MYH8: variants seen among roughly 807,000 people sequenced by gnomAD.
The protein encoded by MYH8 is myosin-8.
In MYH8, 168 loss-of-function variants were observed where a neutral mutation model predicts 233.2. The ratio of observed to expected loss-of-function variants is 0.72; its 90% CI spans 0.64 to 0.82. The LOEUF is 0.82. Among genes scored for constraint, MYH8 ranks in the 40% least tolerant of loss-of-function variants. MYH8 has a pLI of 0.00. For synonymous variants in MYH8, 785 were observed against 850.6 expected (o/e 0.92, Z 1.34); for missense variants, 1,995 against 2,327.8 (o/e 0.86, Z 2.94).
rs2072172156 is a variant in MYH8 at position 10,404,517 on chromosome 17, T to A, written c.2501A>T (p.Lys834Ile). The A allele has an allele frequency of 6.2e-7, 1 of 1,614,088 alleles. No individual in the cohort carries two copies. Among genetic ancestry groups the A allele is most frequent in the Admixed American group, 1.7e-5 (1 of 60,010 alleles). The change falls in exon 22 of 40, where the codon AAA becomes ATA. Residue 834 changes from lysine to isoleucine, a missense_variant. Transcript: ENST00000403437. ...FMNVKHWPWM[K>I]LFFKIKPLLK... ...GAGGGGCTTAATCTTGAAAAAGAGT[T>A]TCATCCAGGGCCAGTGCTTGACGTT...
At chr17:10,418,853 G>C in intron 4 of MYH8, 34 bp downstream of exon 4, 1 of 1,613,950 alleles carries the variant, frequency 6.2e-7, no homozygotes, top group Non-Finnish European at 8.5e-7. Context: ...CTCAGAGAGA[G>C]ACATGAAATA....
chr17:10,400,649 G>A lies in MYH8; in HGVS notation c.3476C>T (p.Ala1159Val). Reference protein sequence around the residue: ...ISERLEEAGGATSAQVELNKK... With the variant: ...ISERLEEAGGVTSAQVELNKK... ...GTTCAATTCCACCTGAGCAGAAGTT[G>A]CCCCACCGGCTTCTTCCAGCCTCTC... Residue 1159 changes from alanine (A) to valine (V), a missense_variant, in exon 27 of 40, where the codon GCA becomes GTA. Ala to Val is a moderately conservative substitution (Grantham distance 64). Transcript: ENST00000403437. The surrounding 1 kb of genome is among the most constrained non-coding windows in gnomAD (Gnocchi z 4.0). The A allele has an allele frequency of 1.9e-6, 3 of 1,614,176 alleles. No homozygotes were observed. The highest frequency in any genetic ancestry group is 2.5e-6 in the Non-Finnish European group (3 of 1,180,034).
Position 10,401,537 on chromosome 17 carries a change from T to G in MYH8, c.2931+6A>C. 6.2e-7 allele frequency: 1 copy of G among 1,614,220 alleles called. No individual in the cohort carries two copies. The highest frequency in any genetic ancestry group is 8.5e-7 in the Non-Finnish European group (1 of 1,180,040). The stretch of plus-strand genomic sequence containing the variant: ...TCTATACAGTATTGTAAAATATGAC[T>G]GATACCTTGTTCTCCGTGGCATGTT... On this transcript the variant is annotated splice_donor_region_variant and intron_variant, in intron 23 of 39. Coordinates refer to ENST00000403437, the MANE Select transcript of MYH8 (RefSeq NM_002472.3).
At chr17:10,399,729 G>T in intron 27 of MYH8, 60 bp from the exon 28 acceptor site, 1 of 1,603,960 alleles carries the variant, frequency 6.2e-7, no homozygotes, top group South Asian at 1.1e-5. Context: ...GTTAAAACTT[G>T]ATTCTTAAAA....
Position 10,398,751 on chromosome 17 carries a change from TC to T in MYH8, c.3981+16del, listed in dbSNP as rs750107696. The T allele has an allele frequency of 3.6e-5, 58 of 1,613,852 alleles. No homozygotes were observed. Among genetic ancestry groups the T allele is most frequent in the Non-Finnish European group, 4.7e-5 (56 of 1,179,900 alleles). ...GTTTAGATTTGGTTAGTCAAAAAAA[TC>T]CTTGGCAAAACTCACTTTAGTTTCT... On this transcript the variant is annotated intron_variant, in intron 29 of 39. Coordinates refer to ENST00000403437, the MANE Select transcript of MYH8 (RefSeq NM_002472.3).
rs372867949 is a variant in MYH8 at position 10,395,115 on chromosome 17, G to A, written c.4962+18C>T. The A allele has an allele frequency of 1.1e-4, 171 of 1,612,494 alleles. No individual in the cohort carries two copies. In the African/African-American group the frequency reaches 1.6e-3, roughly 15 times the overall value. On this transcript the variant is annotated intron_variant, in intron 34 of 39. Transcript: ENST00000403437. ...ACTTTCCCTGCTTCATCTGGGAGGCGAATGTGGACCCGTTTACCTTCAGGA... is the reference window on the plus strand; with the variant it reads ...ACTTTCCCTGCTTCATCTGGGAGGCAAATGTGGACCCGTTTACCTTCAGGA...
chr17:10,416,945 G>A (rs2072294661), intron 5 of MYH8, among the ~76,000 whole-genome samples: 2 of 152,146 alleles, frequency 1.3e-5, no homozygotes, highest in African/African-American at 4.8e-5. Context: ...ACATTTAAGG[G>A]ATAAAGAAAC....
Position 10,396,944 on chromosome 17 carries a change from T to C in MYH8, c.4221A>G (p.Val1407=). Residue 1407 remains valine, a synonymous_variant, in exon 31 of 40, where the codon GTA becomes GTG. Coordinates refer to ENST00000403437, the MANE Select transcript of MYH8 (RefSeq NM_002472.3). The surrounding 1 kb of genome is among the most constrained non-coding windows in gnomAD (Gnocchi z 4.2). The part of the protein sequence containing the change: ...AQRLQEAEEH[V]EAVNAKCASL... ...AAGCACATTTGGCGTTCACAGCTTCTACATGTTCCTCAGCTTCTTGCAGGC... is the reference window on the plus strand; with the variant it reads ...AAGCACATTTGGCGTTCACAGCTTCCACATGTTCCTCAGCTTCTTGCAGGC... The C allele has an allele frequency of 6.2e-7, 1 of 1,614,252 alleles. No homozygotes were observed. Among genetic ancestry groups the C allele is most frequent in the Non-Finnish European group, 8.5e-7 (1 of 1,180,052 alleles).
rs201919885 is a variant in MYH8 at position 10,420,234 on chromosome 17, G to A, written c.-7C>T. On this transcript the variant is annotated 5_prime_UTR_variant, in exon 3 of 40. Coordinates refer to ENST00000403437, the MANE Select transcript of MYH8 (RefSeq NM_002472.3). Reference sequence around the variant, plus strand: ...CGTCTGAGCTCGCACTCATGGCTGCGATTTATTTAGCAAAGGATTCTGCCT... The same window carrying A: ...CGTCTGAGCTCGCACTCATGGCTGCAATTTATTTAGCAAAGGATTCTGCCT... The A allele has an allele frequency of 5.7e-5, 92 of 1,612,702 alleles. No individual in the cohort carries two copies. In the East Asian group the frequency reaches 1.9e-3, roughly 34 times the overall value.
At position 10,392,529 on chromosome 17, in the gene MYH8, C is replaced by CTAT; in HGVS notation, c.5568+10_5568+12dup. On this transcript the variant is annotated intron_variant, in intron 38 of 39. Transcript: ENST00000403437. Reference sequence around the variant, plus strand: ...CAGGAAGAGTGGATATTCTGGAAGGCTATTCCCTTTACCTGGTAGGTGAGT... The same window carrying CTAT: ...CAGGAAGAGTGGATATTCTGGAAGGCTATTATTCCCTTTACCTGGTAGGTGAGT... 1 of 1,607,834 alleles carries CTAT rather than the reference C, an allele frequency of 6.2e-7. No homozygotes were observed. The highest frequency in any genetic ancestry group is 1.1e-5 in the South Asian group (1 of 90,976).
intron 14 of MYH8, 121 bp downstream of exon 14, chr17:10,412,249 G>T: frequency 6.3e-7 from 1 of 1,588,958 alleles, no homozygotes. Context: ...GATAACCTTT[G>T]TTCTAGGTGC....
intron 38 of MYH8, 79 bp downstream of exon 38, chr17:10,392,463 A>G (rs1000650489): frequency 8.0e-7 from 1 of 1,245,822 alleles, no homozygotes; most frequent in Non-Finnish European, 1.2e-6. Context: ...TGTGAGTGGC[A>G]TATAAATAAA....
At chr17:10,412,808 A>C in intron 12 of MYH8, 80 bp from the exon 13 acceptor site, 2 of 1,252,234 alleles carry the variant, frequency 1.6e-6, no homozygotes, top group Non-Finnish European at 2.4e-6. Flanking sequence ...TCTCCAATTC[A>C]ATCTATTATT....
In MYH8 at chr17:10,391,884, C is replaced by T; in HGVS notation, c.5662G>A (p.Ala1888Thr). ...CTCAAGGGCTTAAAGATACTTACAG[C>T]CTCCTCAGCTTGTCTCTTGTATGAT... ...VKSYKRQAEEAEEQSNANLSK... is the reference protein window; with the variant it reads ...VKSYKRQAEETEEQSNANLSK... Residue 1888 changes from alanine to threonine, a missense_variant and splice_region_variant, in exon 39 of 40, where the codon GCT becomes ACT. Around this residue, in one of 3 missense-constraint regions of MYH8, gnomAD observed 1,498 missense variants for 1,680.9 expected, o/e 0.89. Coordinates refer to ENST00000403437, the MANE Select transcript of MYH8 (RefSeq NM_002472.3). 3 of 1,612,988 alleles carry T rather than the reference C, an allele frequency of 1.9e-6. No individual in the cohort carries two copies. Among genetic ancestry groups the T allele is most frequent in the Non-Finnish European group, 2.5e-6 (3 of 1,178,992 alleles).
chr17:10,391,544 G>A (rs2072023737), intron 39 of MYH8, among the ~76,000 whole-genome samples: 1 of 152,124 alleles, frequency 6.6e-6, no homozygotes, highest in African/African-American at 2.4e-5. Flanking sequence ...GCCAGGTGTG[G>A]TGGTGCATGC....
In MYH8 at chr17:10,414,268, T is replaced by C; in HGVS notation, c.932A>G (p.Tyr311Cys). ...IEMLLITTNP[Y>C]DYAFVSQGEI... ...CCCCTGACTGACGAAGGCATAGTCA[T>C]ATGGGTTGGTGGTGATCAGGAGCAT... Residue 311 changes from tyrosine (Y) to cysteine (C), a missense_variant, in exon 11 of 40, where the codon TAT (tyrosine) becomes TGT (cysteine). By Grantham distance (194) the Tyr-to-Cys change is radical. This residue lies in a region of MYH8 where 479 missense variants were observed against 600.9 expected (regional missense o/e 0.80). Coordinates refer to ENST00000403437, the MANE Select transcript of MYH8 (RefSeq NM_002472.3). 6.2e-7 allele frequency: 1 copy of C among 1,614,168 alleles called. No homozygotes were observed. The highest frequency in any genetic ancestry group is 8.5e-7 in the Non-Finnish European group (1 of 1,180,002).
At chr17:10,393,395 G>T (rs1254079151) in intron 35 of MYH8, among the ~76,000 whole-genome samples, 185 bp from the exon 36 acceptor site, 4 of 152,318 alleles carry the variant, frequency 2.6e-5, no homozygotes, top group African/African-American at 9.6e-5. Flanking sequence ...AACTTCCCCA[G>T]TGTCCACCTG....
At chr17:10,390,980 G>A (rs1038574149) in intron 39 of MYH8, among the ~76,000 whole-genome samples, 1 of 152,172 alleles carries the variant, frequency 6.6e-6, no homozygotes, top group Non-Finnish European at 1.5e-5. Flanking sequence ...GAAAAGATGG[G>A]ACTAGACAGA....
chr17:10,394,475 G>T (rs957350336), intron 34 of MYH8, 23 bp from the exon 35 acceptor site: 1 of 1,612,766 alleles, frequency 6.2e-7, no homozygotes, highest in Non-Finnish European at 8.5e-7. Flanking sequence ...AAACAGAAAG[G>T]CCTTAAGTGT....
Sources: allele counts gnomAD v4.1 joint callset (sites outside exome capture counted in the v4.1 genomes callset), GRCh38; gene constraint gnomAD v4.1.1; regional missense constraint gnomAD v4.1.1; non-coding constraint Gnocchi (gnomAD v3.1); transcripts MANE v1.5; gene names NCBI Gene and HGNC (gene_info 2026-07-23, HGNC 2026-07-21).